The following CELF2 variants were observed in gnomAD, a reference collection of about 807,000 sequenced individuals.
CELF2 encodes CUG triplet repeat RNA-binding protein 2.
CELF2 carries 8 observed loss-of-function variants against 62.6 expected under a neutral mutation model. The ratio of observed to expected loss-of-function variants is 0.13; its 90% CI spans 0.07 to 0.23. CELF2 has a LOEUF of 0.23. Among genes scored for constraint, CELF2 ranks in the 10% least tolerant of loss-of-function variants. The pLI is 1.00. For synonymous variants in CELF2, 258 were observed against 250.0 expected, an observed-to-expected ratio of 1.03 and a Z score of -0.30; for missense variants, 333 against 671.0, an observed-to-expected ratio of 0.50 and a Z score of 5.56.
At chr10:10,973,798 G>A (rs1476985771) in intron 2 of CELF2, among the ~76,000 whole-genome samples, 3 of 152,068 alleles carry the variant, frequency 2.0e-5, no homozygotes, top group Non-Finnish European at 2.9e-5. Flanking sequence ...GAACTTCTGC[G>A]CCCCAACTAC....
rs188498371 is a variant in CELF2 at position 11,204,020 on chromosome 10, G to A, written c.272-13405G>A. 5.3e-3 allele frequency among the ~76,000 whole-genome samples: 812 copies of A among 152,340 alleles called. 3 individuals are homozygous for A. The highest frequency in any genetic ancestry group is 0.018 in the South Asian group (86 of 4,830). On this transcript the variant is annotated intron_variant, in intron 2 of 12. Transcript: ENST00000633077. ...GGGGAGAGGACAGAAGAGGAGGGGC[G>A]CAGAGGGTTTGCCCACATCAGCCCC...
the CELF2 span, among the ~76,000 whole-genome samples, chr10:10,545,922 AC>A: frequency 2.6e-5 from 4 of 152,188 alleles, no homozygotes; most frequent in African/African-American, 9.7e-5. Flanking sequence ...GCTTAAAAGC[AC>A]CAAGACACGT....
chr10:11,131,746 A>G (rs1421834272), intron 1 of CELF2, among the ~76,000 whole-genome samples: 1 of 152,230 alleles, frequency 6.6e-6, no homozygotes. Context: ...GTTGCAGCTC[A>G]GTATATAAGT....
At chr10:11,284,544 G>GT (rs1590658362) in intron 8 of CELF2, among the ~76,000 whole-genome samples, 1 of 148,810 alleles carries the variant, frequency 6.7e-6, no homozygotes. Flanking sequence ...AGGGATGAGT[G>GT]GGAGCATGAT....
the CELF2 span, among the ~76,000 whole-genome samples, chr10:10,569,118 G>A: frequency 1.3e-5 from 2 of 152,092 alleles, no homozygotes; most frequent in Non-Finnish European, 2.9e-5. Context: ...CAAAAATCAG[G>A]CATTGATGAC....
rs1225631701 is a variant in CELF2 at position 11,223,884 on chromosome 10, A to G, written c.354+6377A>G. Among the ~76,000 whole-genome samples the G allele has an allele frequency of 6.6e-6, 1 of 152,212 alleles. No individual in the cohort carries two copies. The highest frequency in any genetic ancestry group is 1.5e-5 in the Non-Finnish European group (1 of 68,030). ...ATGGGAAAGTATATTTTAATGCTTA[A>G]TAAAAGGCCATTACAAATTGTCTAT... On this transcript the variant is annotated intron_variant, in intron 3 of 12. Transcript: ENST00000633077. The surrounding 1 kb of genome is among the most constrained non-coding windows in gnomAD (Gnocchi z 5.1).
At chr10:11,147,666 AG>A (rs1201735675) in intron 1 of CELF2, among the ~76,000 whole-genome samples, 1 of 152,250 alleles carries the variant, frequency 6.6e-6, no homozygotes, top group African/African-American at 2.4e-5. Context: ...AATATATGCA[AG>A]GCAAGTGGAT....
rs11362467 is a variant in CELF2, at chr10:10,936,163, CA to C, written c.89+16172del. Among the ~76,000 whole-genome samples, 9,662 of 149,546 alleles carry C rather than the reference CA, an allele frequency of 0.065. 381 individuals carry two copies. Among genetic ancestry groups the C allele is most frequent in the Middle Eastern group, 0.13 (37 of 294 alleles). On this transcript the variant is annotated intron_variant, in intron 2 of 13. Coordinates refer to the CELF2 transcript ENST00000636488. The surrounding 1 kb of genome is among the most constrained non-coding windows in gnomAD (Gnocchi z 4.0). The stretch of plus-strand genomic sequence containing the variant: ...GGTGACAGAGTGAGACTCCATCTCA[CA>C]AAAAAAATAAATAAAATAATAAAGA...
At chr10:10,895,051 A>G (rs932616559) in intron 1 of CELF2, among the ~76,000 whole-genome samples, 1 of 152,160 alleles carries the variant, frequency 6.6e-6, no homozygotes, top group Non-Finnish European at 1.5e-5. Context: ...AATCCTTACA[A>G]GAGTCCAGAT....
intron 1 of CELF2, among the ~76,000 whole-genome samples, chr10:10,889,642 C>A (rs150933415): frequency 1.1e-3 from 175 of 152,292 alleles, no homozygotes; most frequent in African/African-American, 4.1e-3. Flanking sequence ...AACTCATGAG[C>A]AAATGTGCAG....
At chr10:10,949,560 G>A (rs1490524995) in intron 2 of CELF2, among the ~76,000 whole-genome samples, 2 of 151,908 alleles carry the variant, frequency 1.3e-5, no homozygotes, top group Non-Finnish European at 2.9e-5. Flanking sequence ...GGGAGGCCGA[G>A]GCAGATGGAT....
At chr10:10,647,994 G>A in the CELF2 span, among the ~76,000 whole-genome samples, 1 of 152,166 alleles carries the variant, frequency 6.6e-6, no homozygotes, top group African/African-American at 2.4e-5. Flanking sequence ...TAGTGATAGA[G>A]TTAGGATTCA....
At chr10:10,471,318 A>G in the CELF2 span, among the ~76,000 whole-genome samples, 1 of 151,712 alleles carries the variant, frequency 6.6e-6, no homozygotes, top group African/African-American at 2.4e-5. Flanking sequence ...GGCAGATCAT[A>G]TCTGTCACTG....
At chr10:10,971,160 G>A (rs1296358545) in intron 2 of CELF2, among the ~76,000 whole-genome samples, 4 of 152,132 alleles carry the variant, frequency 2.6e-5, no homozygotes, top group Admixed American at 6.5e-5. Context: ...TTCTCTGGCT[G>A]CTCCTTCCTG....
the CELF2 span, among the ~76,000 whole-genome samples, chr10:10,566,693 C>G: frequency 3.3e-5 from 5 of 151,728 alleles, no homozygotes; most frequent in African/African-American, 1.2e-4. Context: ...AAACAGCCAC[C>G]TTTTATAAAC....
the CELF2 span, among the ~76,000 whole-genome samples, chr10:10,709,305 G>A: frequency 6.6e-6 from 1 of 152,198 alleles, no homozygotes; most frequent in Admixed American, 6.5e-5. Context: ...CTCAGAGAAT[G>A]GGGACTTCTT....
chr10:10,772,057 T>C, the CELF2 span, among the ~76,000 whole-genome samples: 1 of 152,016 alleles, frequency 6.6e-6, no homozygotes, highest in Admixed American at 6.6e-5. Context: ...CAGAATGGAG[T>C]AGAACTTCAT....
the CELF2 span, among the ~76,000 whole-genome samples, chr10:10,689,425 A>C: frequency 2.6e-5 from 4 of 152,208 alleles, no homozygotes; most frequent in South Asian, 2.1e-4. Flanking sequence ...TTAGGATTAC[A>C]AATCAACATG....
At chr10:10,816,651 A>G (rs577049741) in intron 1 of CELF2, among the ~76,000 whole-genome samples, 2 of 152,346 alleles carry the variant, frequency 1.3e-5, no homozygotes, top group African/African-American at 2.4e-5. Flanking sequence ...TAAAAATGCA[A>G]TCCATTCTTC....
Sources: gnomAD v4.1 joint callset for allele counts (sites outside exome capture counted in the v4.1 genomes callset) on GRCh38, gnomAD v4.1.1 for gene constraint, Gnocchi (gnomAD v3.1) non-coding constraint, MANE v1.5 for transcripts, NCBI Gene and HGNC (gene_info 2026-07-23, HGNC 2026-07-21) for gene names.